The following MANSC4 variants were observed in gnomAD, a reference collection of about 807,000 sequenced individuals.
MANSC4 encodes the protein MANSC domain containing 4.
In MANSC4, 11 loss-of-function variants were observed where a neutral mutation model predicts 11.4. The ratio of observed to expected loss-of-function variants is 0.97; its 90% CI spans 0.61 to 1.60. The LOEUF (loss-of-function observed/expected upper bound fraction) is 1.60. Ranked by LOEUF, MANSC4 falls within the 40% of genes most tolerant of loss-of-function variation. The pLI, the probability that MANSC4 is intolerant of heterozygous loss-of-function variation, is 0.00. For synonymous variants in MANSC4, 123 were observed against 147.1 expected, an observed-to-expected ratio of 0.84 and a Z score of 1.19; for missense variants, 354 against 404.6, an observed-to-expected ratio of 0.88 and a Z score of 1.07.
At chr12:27,775,721 A>G (rs2062117272) in intron 1 of MANSC4, among the ~76,000 whole-genome samples, 2 of 152,006 alleles carry the variant, frequency 1.3e-5, no homozygotes, top group African/African-American at 4.8e-5. Flanking sequence ...TTTATTTTAC[A>G]GTATATAGGT....
intron 2 of MANSC4, among the ~76,000 whole-genome samples, chr12:27,768,637 C>T (rs371609855): frequency 0.024 from 1,904 of 79,396 alleles, 38 homozygotes; most frequent in African/African-American, 0.086. Context: ...CAAAAGGTAC[C>T]GACTTTTTTT....
chr12:27,764,676 C>G (rs1332354651), intron 3 of MANSC4, among the ~76,000 whole-genome samples: 2 of 152,066 alleles, frequency 1.3e-5, no homozygotes, highest in Non-Finnish European at 2.9e-5. Flanking sequence ...GTATGTTTTC[C>G]CCTCTTTCTT....
chr12:27,778,571 A>G (rs1397954787), intron 1 of MANSC4, among the ~76,000 whole-genome samples: 1 of 152,052 alleles, frequency 6.6e-6, no homozygotes, highest in Non-Finnish European at 1.5e-5. Context: ...ATAATAAAAA[A>G]AAAAACCAAA....
chr12:27,771,785 T>G (rs1417209728), intron 1 of MANSC4, among the ~76,000 whole-genome samples: 1 of 152,188 alleles, frequency 6.6e-6, no homozygotes, highest in Admixed American at 6.5e-5. Flanking sequence ...GCAGATTGTT[T>G]TTTAAAAAAT....
intron 1 of MANSC4, among the ~76,000 whole-genome samples, chr12:27,772,030 G>A (rs773659635): frequency 2.0e-5 from 3 of 151,748 alleles, no homozygotes; most frequent in Admixed American, 6.6e-5. Context: ...GTGACAGAGC[G>A]AGACCCTGTC....
chr12:27,771,250 G>A lies in MANSC4; in HGVS notation c.27C>T (p.Asn9=), dbSNP rs377001917. 2.1e-5 allele frequency: 32 copies of A among 1,550,816 alleles called. No homozygotes were observed. The highest frequency in any genetic ancestry group is 2.0e-4 in the Middle Eastern group (1 of 5,076). Residue 9 remains asparagine (N), a synonymous_variant, in exon 2 of 4, where the codon AAC becomes AAT. Transcript: ENST00000381273. ...ACCCCATGCTTAGGAGCAATATCACGTTCACTGCTACCTCTGCCACATGCA... is the reference window on the plus strand; with the variant it reads ...ACCCCATGCTTAGGAGCAATATCACATTCACTGCTACCTCTGCCACATGCA... MHVAEVAV[N]VILLLSMGWT... is the part of the protein sequence containing the mutation.
chr12:27,774,012 G>A (rs2062109825), intron 1 of MANSC4, among the ~76,000 whole-genome samples: 1 of 152,098 alleles, frequency 6.6e-6, no homozygotes, highest in South Asian at 2.1e-4. Context: ...GCTGGGTGTG[G>A]TGGCACACGG....
At chr12:27,763,546 T>A in intron 3 of MANSC4, 150 bp from the exon 4 acceptor site, 4 of 685,290 alleles carry the variant, frequency 5.8e-6, no homozygotes, top group Non-Finnish European at 2.4e-6. Flanking sequence ...TCTCAAAGGC[T>A]TCCAAACATA....
At chr12:27,770,470 C>T (rs572327114) in intron 2 of MANSC4, among the ~76,000 whole-genome samples, 17 of 151,934 alleles carry the variant, frequency 1.1e-4, no homozygotes, top group East Asian at 3.9e-4. Context: ...CATTAGCCAC[C>T]GCACCTGGCC....
intron 1 of MANSC4, among the ~76,000 whole-genome samples, chr12:27,772,256 T>C (rs1240745683): frequency 6.6e-6 from 1 of 152,236 alleles, no homozygotes; most frequent in Admixed American, 6.5e-5. Context: ...AAACTGTTGC[T>C]TTTTTGTATC....
intron 2 of MANSC4, among the ~76,000 whole-genome samples, chr12:27,767,129 A>G (rs1453058370): frequency 6.6e-6 from 1 of 151,984 alleles, no homozygotes; most frequent in Non-Finnish European, 1.5e-5. Flanking sequence ...AGAGGCACGC[A>G]TCACCATGCT....
chr12:27,772,363 A>G (rs1279313043), intron 1 of MANSC4, among the ~76,000 whole-genome samples: 1 of 152,178 alleles, frequency 6.6e-6, no homozygotes, highest in Non-Finnish European at 1.5e-5. Flanking sequence ...TGTGATCCGT[A>G]TTTCTTTTAT....
intron 2 of MANSC4, among the ~76,000 whole-genome samples, chr12:27,770,229 T>G (rs11049130): frequency 0.16 from 24,873 of 151,962 alleles, 2,519 homozygotes; most frequent in Non-Finnish European, 0.23. Context: ...TGCCCAGGCT[T>G]GAGTGCACTG....
At chr12:27,774,947 CT>C (rs1478278268) in intron 1 of MANSC4, among the ~76,000 whole-genome samples, 2 of 152,176 alleles carry the variant, frequency 1.3e-5, no homozygotes, top group Non-Finnish European at 2.9e-5. Context: ...TGGAGTGAAC[CT>C]GGGAGGCGGA....
At chr12:27,779,208 G>A (rs747125904) in intron 1 of MANSC4, among the ~76,000 whole-genome samples, 25 of 152,104 alleles carry the variant, frequency 1.6e-4, no homozygotes, top group Non-Finnish European at 2.9e-4. Context: ...TCAGATGATG[G>A]GGGCAGGGTA....
Position 27,771,235 on chromosome 12 carries a change from T to G in MANSC4, c.42A>C (p.Leu14=), listed in dbSNP as rs895414257. 1.9e-6 allele frequency: 3 copies of G among 1,551,414 alleles called. No homozygotes were observed. The African/African-American group carries it at 4.1e-5, about 21-fold the overall frequency. ...AEVAVNVILL[L]SMGWTSDSLC... is the part of the protein sequence containing the mutation. ...GAGAGTCTGATGTCCACCCCATGCT[T>G]AGGAGCAATATCACGTTCACTGCTA... Residue 14 remains leucine (L), a synonymous_variant, in exon 2 of 4, where the codon CTA becomes CTC. Coordinates refer to ENST00000381273, the MANE Select transcript of MANSC4 (RefSeq NM_001146221.5).
chr12:27,765,600 C>T (rs1301756650), intron 3 of MANSC4, among the ~76,000 whole-genome samples: 1 of 152,120 alleles, frequency 6.6e-6, no homozygotes, highest in Non-Finnish European at 1.5e-5. Flanking sequence ...CACTAGCCTC[C>T]CCTTTGAAAC....
chr12:27,764,592 C>G (rs898971642), intron 3 of MANSC4, among the ~76,000 whole-genome samples: 2 of 152,138 alleles, frequency 1.3e-5, no homozygotes, highest in African/African-American at 2.4e-5. Context: ...TTCACTGCCC[C>G]CTCCCCTCCA....
Position 27,762,745 on chromosome 12 carries a change from G to T in MANSC4, c.1016C>A (p.Ser339Tyr). 2 of 1,522,864 alleles carry T rather than the reference G, an allele frequency of 1.3e-6. No individual in the cohort carries two copies. Among genetic ancestry groups the T allele is most frequent in the South Asian group, 1.3e-5 (1 of 79,326 alleles). The allele number at this position is 1,522,864 out of a possible 1,614,324, so 94.3% of individuals were successfully genotyped here. A position where few individuals can be genotyped will look rare whatever the true frequency, so the allele number is the denominator to read the frequency against. Residue 339 changes from serine (S) to tyrosine (Y), a missense_variant, in exon 4 of 4, where the codon TCT becomes TAT. By Grantham distance (144) the Ser-to-Tyr change is moderately radical. Coordinates refer to ENST00000381273, the MANE Select transcript of MANSC4 (RefSeq NM_001146221.5). Reference protein sequence around the residue: ...IKNRNHMKENSS With the variant: ...IKNRNHMKENYS Reference sequence around the variant, plus strand: ...ATCTTGCTACAGTTTTTACTATGAAGAGTTCTCCTTCATATGGTTACGGTT... The same window carrying T: ...ATCTTGCTACAGTTTTTACTATGAATAGTTCTCCTTCATATGGTTACGGTT...
Sources: gnomAD v4.1 joint callset for allele counts (sites outside exome capture counted in the v4.1 genomes callset) on GRCh38, gnomAD v4.1.1 for gene constraint, MANE v1.5 for transcripts, NCBI Gene and HGNC (gene_info 2026-07-23, HGNC 2026-07-21) for gene names.